PDXDC1: variants seen among roughly 807,000 people sequenced by gnomAD.
PDXDC1 encodes the protein pyridoxal-dependent decarboxylase domain-containing protein 1.
A neutral mutation model predicts 100.1 loss-of-function variants in PDXDC1; 42 were observed. That is an observed-to-expected ratio of 0.42 (90% confidence interval 0.33 to 0.54). The LOEUF (loss-of-function observed/expected upper bound fraction) is 0.54. PDXDC1 is among the 20% of genes least tolerant of loss of function. The pLI, the probability that PDXDC1 is intolerant of heterozygous loss-of-function variation, is 0.10. For synonymous variants in PDXDC1, 260 were observed against 371.7 expected, an observed-to-expected ratio of 0.70 and a Z score of 3.46; for missense variants, 636 against 979.2, an observed-to-expected ratio of 0.65 and a Z score of 4.68.
chr16:15,043,678 G>T (rs927851747), intron 16 of PDXDC1, among the ~76,000 whole-genome samples: 3 of 152,162 alleles, frequency 2.0e-5, no homozygotes, highest in African/African-American at 7.2e-5. Flanking sequence ...GGCCAGGTGT[G>T]GTGACTCACA....
At chr16:15,065,273 A>C (rs1302225327) in intron 16 of PDXDC1, 1 of 1,613,870 alleles carries the variant, frequency 6.2e-7, no homozygotes, top group East Asian at 2.2e-5. Context: ...GTTTGTGCAG[A>C]TCTGCACTGA....
chr16:15,028,090 G>A (rs564194924), intron 14 of PDXDC1, among the ~76,000 whole-genome samples: 1 of 152,388 alleles, frequency 6.6e-6, no homozygotes, highest in East Asian at 1.9e-4. Flanking sequence ...GCTCTCCCAT[G>A]CCCCATGAGG....
In PDXDC1 at chr16:15,073,155, CACA is replaced by C. The variant is rs1269024825; in HGVS notation, c.1399+43103_1399+43105del. On this transcript the variant is annotated intron_variant, in intron 16 of 16. Coordinates refer to the PDXDC1 transcript ENST00000535621. ...TTTCATCTGCCATATTTTTTATAAA[CACA>C]ACACCATTAAAAAACAACATTATCC... The C allele has an allele frequency of 2.7e-6, 4 of 1,496,120 alleles. No individual in the cohort carries two copies. In the South Asian group the frequency reaches 3.5e-5, roughly 13 times the overall value. The allele number at this position is 1,496,120 out of a possible 1,614,324, so 92.7% of individuals were successfully genotyped here. A position where few individuals can be genotyped will look rare whatever the true frequency, so the allele number is the denominator to read the frequency against.
chr16:15,133,804 C>T (rs1305562786), intron 16 of PDXDC1: 33 of 1,585,306 alleles, frequency 2.1e-5, no homozygotes, highest in Non-Finnish European at 2.3e-5. Flanking sequence ...CCCGTGCATT[C>T]GAAGTGCACC....
rs754318040 is a variant in PDXDC1 at position 15,038,221 on chromosome 16, A to T, written c.*1946A>T. 6 of 1,609,764 alleles carry T rather than the reference A, an allele frequency of 3.7e-6. No individual in the cohort carries two copies. Among genetic ancestry groups the T allele is most frequent in the Non-Finnish European group, 4.2e-6 (5 of 1,177,420 alleles). On this transcript the variant is annotated 3_prime_UTR_variant, in exon 23 of 23. Coordinates refer to ENST00000396410, the MANE Select transcript of PDXDC1 (RefSeq NM_015027.4). ...CGAAGTGGAAAGATTCTGAAAACAC[A>T]AGATGGTGGGCATTAGAGAAGCCAA...
intron 16 of PDXDC1, chr16:15,093,867 G>A: frequency 2.1e-6 from 1 of 481,242 alleles, no homozygotes. Context: ...GAGGGGTCAA[G>A]GCGCAGAAGG....
chr16:15,128,874 C>A (rs1265528948), intron 16 of PDXDC1, among the ~76,000 whole-genome samples: 1 of 149,464 alleles, frequency 6.7e-6, no homozygotes, highest in African/African-American at 2.5e-5. Flanking sequence ...GGCGCAATCT[C>A]AGCTCACTGC....
At chr16:15,058,591 G>A (rs2044607113) in intron 16 of PDXDC1, among the ~76,000 whole-genome samples, 1 of 152,050 alleles carries the variant, frequency 6.6e-6, no homozygotes, top group African/African-American at 2.4e-5. Context: ...GCCAGGCATG[G>A]TGGTGCGTAC....
At chr16:15,020,019 G>A (rs1414590909) in intron 12 of PDXDC1, among the ~76,000 whole-genome samples, 11 of 152,090 alleles carry the variant, frequency 7.2e-5, no homozygotes, top group African/African-American at 2.2e-4. Context: ...GGCTGAGGCC[G>A]GAGAATGGTG....
chr16:15,002,595 A>G (rs1973395917), intron 4 of PDXDC1, among the ~76,000 whole-genome samples: 1 of 152,290 alleles, frequency 6.6e-6, no homozygotes, highest in Admixed American at 6.5e-5. Flanking sequence ...TGTTACAAAC[A>G]TTGCTGCAGC....
chr16:15,111,140 A>C (rs529201495), intron 16 of PDXDC1, among the ~76,000 whole-genome samples: 3 of 148,686 alleles, frequency 2.0e-5, no homozygotes, highest in African/African-American at 7.3e-5. Flanking sequence ...ACACACACAC[A>C]CACACACACA....
At chr16:15,133,155 A>C (rs1172666745) in intron 16 of PDXDC1, 4 of 803,658 alleles carry the variant, frequency 5.0e-6, no homozygotes, top group East Asian at 2.7e-5. Context: ...ACTGGGATTT[A>C]TCTCTGGGGC....
At chr16:15,140,500 A>C (rs549384109), downstream of PDXDC1, among the ~76,000 whole-genome samples, 8 of 152,092 alleles carry the variant, frequency 5.3e-5, no homozygotes, top group East Asian at 1.5e-3. Context: ...GGAGGGAGGA[A>C]AGAAAGAGAA....
At chr16:15,055,984 C>T in intron 16 of PDXDC1, 4 of 1,214,480 alleles carry the variant, frequency 3.3e-6, no homozygotes, top group South Asian at 4.1e-5. Context: ...CGGAGGCGGC[C>T]GCCCAGGCAG....
At chr16:14,977,337 T>C (rs1966929574) in intron 1 of PDXDC1, among the ~76,000 whole-genome samples, 2 of 139,776 alleles carry the variant, frequency 1.4e-5, no homozygotes, top group South Asian at 4.5e-4. Context: ...TGGAGTGCAG[T>C]GAGGCGATCT....
At chr16:15,115,110 A>G (rs2047200396) in intron 16 of PDXDC1, among the ~76,000 whole-genome samples, 1 of 144,492 alleles carries the variant, frequency 6.9e-6, no homozygotes. Context: ...TAATTTTTGT[A>G]TTTTTAGTAG....
At chr16:15,125,712 C>T (rs757142323) in intron 16 of PDXDC1, 197 of 1,393,794 alleles carry the variant, frequency 1.4e-4, no homozygotes, top group South Asian at 3.5e-4. Context: ...GGCCTGAGAA[C>T]GTGAGGAAGG....
At position 15,088,119 on chromosome 16, in the gene PDXDC1, AAAG is replaced by A. The variant is rs548555904; in HGVS notation, c.1400-50757_1400-50755del. Among the ~76,000 whole-genome samples, 381 of 151,310 alleles carry A rather than the reference AAAG, an allele frequency of 2.5e-3. 1 individual carries two copies. The highest frequency in any genetic ancestry group is 8.8e-3 in the African/African-American group (357 of 40,692). Reference sequence around the variant, plus strand: ...CAACAAGAGCAAAACTCCGTCTCAAAAAGAAAAAAAAAAAGTAAATCAGTTGCA... The same window carrying A: ...CAACAAGAGCAAAACTCCGTCTCAAAAAAAAAAAAAAGTAAATCAGTTGCA... On this transcript the variant is annotated intron_variant, in intron 16 of 16. Coordinates refer to the PDXDC1 transcript ENST00000535621.
chr16:15,040,199 T>A (rs192292753), downstream of PDXDC1: 5 of 477,550 alleles, frequency 1.0e-5, no homozygotes, highest in Middle Eastern at 2.9e-4. Context: ...GTATCTGGAC[T>A]TCCCCCTCCC....
Sources: gnomAD v4.1 joint callset for allele counts (sites outside exome capture counted in the v4.1 genomes callset) on GRCh38, gnomAD v4.1.1 for gene constraint, MANE v1.5 for transcripts, NCBI Gene and HGNC (gene_info 2026-07-23, HGNC 2026-07-21) for gene names.